Variants in RHOQ observed in about 807,000 individuals in gnomAD.
RHOQ encodes the protein rho-related GTP-binding protein RhoQ.
Under a neutral mutation model 25.8 loss-of-function variants are expected in RHOQ, and 7 were observed. The ratio of observed to expected loss-of-function variants is 0.27; its 90% CI spans 0.15 to 0.51. The LOEUF (loss-of-function observed/expected upper bound fraction) is 0.51. Among genes scored for constraint, RHOQ ranks in the 20% least tolerant of loss-of-function variants. The pLI, the probability that RHOQ is intolerant of heterozygous loss-of-function variation, is 0.97. For synonymous variants in RHOQ, 97 were observed against 98.6 expected (o/e 0.98, Z 0.10); for missense variants, 165 against 260.6 (o/e 0.63, Z 2.53).
At chr2:46,561,266 G>C (rs1178702977) in intron 2 of RHOQ, among the ~76,000 whole-genome samples, 1 of 151,974 alleles carries the variant, frequency 6.6e-6, no homozygotes, top group Non-Finnish European at 1.5e-5. Flanking sequence ...TACGGTGAGG[G>C]GAGGGTCTGG....
Position 46,552,586 on chromosome 2 carries a change from C to T in RHOQ, c.201+8774C>T, listed in dbSNP as rs1668276858. On this transcript the variant is annotated intron_variant, in intron 2 of 4. Transcript: ENST00000238738. The surrounding 1 kb of genome is among the most constrained non-coding windows in gnomAD (Gnocchi z 5.0). ...AAAACTTCCTCTGCCACCTGCTGCTCATATTGTTTGCCCTCTTGGGCCATC... is the reference window on the plus strand; with the variant it reads ...AAAACTTCCTCTGCCACCTGCTGCTTATATTGTTTGCCCTCTTGGGCCATC... Among the ~76,000 whole-genome samples the T allele has an allele frequency of 1.3e-5, 2 of 152,368 alleles. No individual in the cohort carries two copies. Among genetic ancestry groups the T allele is most frequent in the Middle Eastern group, 3.4e-3 (1 of 294 alleles).
rs982886575 is a variant in RHOQ at position 46,584,139 on chromosome 2, T to C, written c.*3056T>C. Among the ~76,000 whole-genome samples, 2 of 152,192 alleles carry C rather than the reference T, an allele frequency of 1.3e-5. No homozygotes were observed. The highest frequency in any genetic ancestry group is 4.8e-5 in the African/African-American group (2 of 41,462). On this transcript the variant is annotated 3_prime_UTR_variant, in exon 5 of 5. Transcript: ENST00000238738. ...AATACCAAATTAAATACCAGTTTGT[T>C]GGTTGTTACTTTTAAATGATTGTTA...
Position 46,543,118 on chromosome 2 carries a change from C to G in RHOQ, c.72C>G (p.Cys24Trp). Residue 24 changes from cysteine to tryptophan, a missense_variant, in exon 1 of 5, where the codon TGC (cysteine) becomes TGG (tryptophan). Transcript: ENST00000238738. Reference sequence around the variant, plus strand: ...GCGACGGGGCGGTGGGCAAGACGTGCCTACTCATGAGCTATGCCAACGACG... The same window carrying G: ...GCGACGGGGCGGTGGGCAAGACGTGGCTACTCATGAGCTATGCCAACGACG... ...VVGDGAVGKT[C>W]LLMSYANDAF... 6.2e-7 allele frequency: 1 copy of G among 1,610,862 alleles called. No homozygotes were observed. The highest frequency in any genetic ancestry group is 8.5e-7 in the Non-Finnish European group (1 of 1,178,664).
rs1668424082 is a variant in RHOQ at position 46,556,826 on chromosome 2, T to G, written c.201+13014T>G. Among the ~76,000 whole-genome samples the G allele has an allele frequency of 6.6e-6, 1 of 152,136 alleles. No individual in the cohort carries two copies. The highest frequency in any genetic ancestry group is 2.4e-5 in the African/African-American group (1 of 41,418). ...GGCTGTTTGACCTGAGCTTCCCAGA[T>G]AGGCAAGGTTTCTGTGGGGCCGTTT... On this transcript the variant is annotated intron_variant, in intron 2 of 4. Coordinates refer to ENST00000238738, the MANE Select transcript of RHOQ (RefSeq NM_012249.4). The surrounding 1 kb of genome is among the most constrained non-coding windows in gnomAD (Gnocchi z 4.9).
intron 2 of RHOQ, among the ~76,000 whole-genome samples, chr2:46,557,502 A>G (rs1413481935): frequency 6.6e-6 from 1 of 152,210 alleles, no homozygotes; most frequent in African/African-American, 2.4e-5. Context: ...GAAAATGCAC[A>G]TGTATAATAT....
At chr2:46,575,874 A>C (rs1000489529) in intron 2 of RHOQ, among the ~76,000 whole-genome samples, 2 of 152,182 alleles carry the variant, frequency 1.3e-5, no homozygotes, top group Non-Finnish European at 2.9e-5. Context: ...TGTCATTGTT[A>C]ATGATATTGT....
chr2:46,559,807 C>T (rs1243949753), intron 2 of RHOQ, among the ~76,000 whole-genome samples: 1 of 152,146 alleles, frequency 6.6e-6, no homozygotes, highest in Non-Finnish European at 1.5e-5. Context: ...CCCCCTTGGG[C>T]TAGTCATATA....
chr2:46,565,408 G>A (rs1558688472), intron 2 of RHOQ, among the ~76,000 whole-genome samples: 1 of 152,196 alleles, frequency 6.6e-6, no homozygotes, highest in African/African-American at 2.4e-5. Flanking sequence ...TCAAGACAAT[G>A]CAGAAAAAGT....
intron 2 of RHOQ, among the ~76,000 whole-genome samples, chr2:46,546,725 A>G (rs896606930): frequency 1.3e-5 from 2 of 151,800 alleles, no homozygotes; most frequent in African/African-American, 4.8e-5. Flanking sequence ...TCTTTAACAT[A>G]TTTAAAAGCA....
intron 2 of RHOQ, among the ~76,000 whole-genome samples, chr2:46,573,371 A>G (rs1166565624): frequency 6.6e-6 from 1 of 152,194 alleles, no homozygotes; most frequent in African/African-American, 2.4e-5. Flanking sequence ...CTAACTGCCA[A>G]TTATTTAGCC....
chr2:46,551,089 C>CCAGG (rs1668226447), intron 2 of RHOQ, among the ~76,000 whole-genome samples: 1 of 152,200 alleles, frequency 6.6e-6, no homozygotes, highest in African/African-American at 2.4e-5. Context: ...TTCAGCTCTG[C>CCAGG]CACTTCCCAG....
At chr2:46,575,399 T>TCACACACACA (rs56002979) in intron 2 of RHOQ, among the ~76,000 whole-genome samples, 139 of 138,320 alleles carry the variant, frequency 1.0e-3, no homozygotes, top group East Asian at 1.5e-3. Flanking sequence ...CTTTAAATCT[T>TCACACACACA]CACACACACA....
In RHOQ at chr2:46,581,376, G is replaced by A. The variant is rs936670450; in HGVS notation, c.*293G>A. 137 of 1,500,054 alleles carry A rather than the reference G, an allele frequency of 9.1e-5. No homozygotes were observed. Among genetic ancestry groups the A allele is most frequent in the Non-Finnish European group, 1.1e-4 (127 of 1,119,176 alleles). The allele number at this position is 1,500,054 out of a possible 1,614,324, so 92.9% of individuals were successfully genotyped here. On this transcript the variant is annotated 3_prime_UTR_variant, in exon 5 of 5. Transcript: ENST00000238738. ...TACAATCACATCATGTTGTAACTACGTAAAAAACAGAGCTGTAAATGGAAC... is the reference window on the plus strand; with the variant it reads ...TACAATCACATCATGTTGTAACTACATAAAAAACAGAGCTGTAAATGGAAC...
intron 4 of RHOQ, among the ~76,000 whole-genome samples, chr2:46,579,554 A>G (rs1669268261): frequency 6.6e-6 from 1 of 152,182 alleles, no homozygotes; most frequent in Non-Finnish European, 1.5e-5. Context: ...CCAGTTACTC[A>G]GGTCAGAAGC....
At chr2:46,563,531 G>A (rs1668635737) in intron 2 of RHOQ, among the ~76,000 whole-genome samples, 3 of 152,212 alleles carry the variant, frequency 2.0e-5, no homozygotes, top group Non-Finnish European at 4.4e-5. Context: ...GAAGATAAAG[G>A]GAAGTAATAC....
At chr2:46,579,322 A>G (rs1669257531) in intron 4 of RHOQ, among the ~76,000 whole-genome samples, 1 of 152,140 alleles carries the variant, frequency 6.6e-6, no homozygotes, top group Non-Finnish European at 1.5e-5. Context: ...GTCTTCTTCT[A>G]TAGCTACACT....
chr2:46,551,794 G>A (rs1166355545), intron 2 of RHOQ, among the ~76,000 whole-genome samples: 2 of 152,184 alleles, frequency 1.3e-5, no homozygotes, highest in Admixed American at 6.5e-5. Context: ...AAAGTGGCAG[G>A]CTCATCATCA....
intron 2 of RHOQ, among the ~76,000 whole-genome samples, chr2:46,544,142 G>A (rs1667964485): frequency 6.6e-6 from 1 of 152,126 alleles, no homozygotes; most frequent in East Asian, 1.9e-4. Context: ...TTTAGTTGCA[G>A]ATGACCAGGT....
At chr2:46,574,394 A>T (rs369332774) in intron 2 of RHOQ, among the ~76,000 whole-genome samples, 1 of 151,984 alleles carries the variant, frequency 6.6e-6, no homozygotes, top group East Asian at 1.9e-4. Flanking sequence ...GAGCCCAGAA[A>T]GTACATATAA....
Sources: gnomAD v4.1 joint callset for allele counts (sites outside exome capture counted in the v4.1 genomes callset) on GRCh38, gnomAD v4.1.1 for gene constraint, Gnocchi (gnomAD v3.1) non-coding constraint, MANE v1.5 for transcripts, NCBI Gene and HGNC (gene_info 2026-07-23, HGNC 2026-07-21) for gene names.